Variants in SGCZ observed in about 807,000 individuals in gnomAD.
SGCZ encodes the protein zeta-sarcoglycan.
In SGCZ, 40 loss-of-function variants were observed where a neutral mutation model predicts 41.3. The observed-to-expected ratio is 0.97, with a 90% confidence interval of 0.75 to 1.26. The LOEUF (loss-of-function observed/expected upper bound fraction) is 1.26. Ranked by LOEUF, SGCZ falls within the 50% of genes most tolerant of loss-of-function variation. The pLI is 0.00. For missense variants in SGCZ, 552 were observed against 369.8 expected (o/e 1.49, Z -4.04); for synonymous variants, 206 against 137.5 (o/e 1.50, Z -3.49).
intron 5 of SGCZ, among the ~76,000 whole-genome samples, chr8:14,144,086 AG>A (rs1280484291): frequency 3.3e-5 from 5 of 152,252 alleles, no homozygotes; most frequent in South Asian, 4.2e-4. Flanking sequence ...GGCAAGTCCT[AG>A]TGTTAAACTA....
In SGCZ at chr8:14,501,692, G is replaced by A. The variant is rs543429154; in HGVS notation, c.234+53040C>T. Among the ~76,000 whole-genome samples the A allele has an allele frequency of 9.3e-4, 141 of 151,314 alleles. 2 individuals are homozygous for A. The highest frequency in any genetic ancestry group is 3.2e-3 in the African/African-American group (131 of 41,278). ...CTTGAAGAAAGGTACTCTGATATTG[G>A]ACAATAGTGATGTCTGGCCTTGCTG... is the stretch of plus-strand genomic sequence containing the variant. On this transcript the variant is annotated intron_variant, in intron 2 of 7. Coordinates refer to ENST00000382080, the MANE Select transcript of SGCZ (RefSeq NM_139167.4).
At chr8:15,075,822 G>C (rs1235869032) in intron 1 of SGCZ, among the ~76,000 whole-genome samples, 4 of 151,768 alleles carry the variant, frequency 2.6e-5, no homozygotes, top group African/African-American at 9.7e-5. Flanking sequence ...AGTCTAATTT[G>C]CTCAAAAAAT....
chr8:14,203,741 T>A (rs1185887481), intron 4 of SGCZ, among the ~76,000 whole-genome samples: 1 of 152,128 alleles, frequency 6.6e-6, no homozygotes, highest in Non-Finnish European at 1.5e-5. Flanking sequence ...GGAGAAAGAA[T>A]CAGATAATTA....
chr8:14,683,448 C>A (rs1356443987), intron 1 of SGCZ, among the ~76,000 whole-genome samples: 1 of 151,992 alleles, frequency 6.6e-6, no homozygotes, highest in Non-Finnish European at 1.5e-5. Flanking sequence ...CCTTTAATGG[C>A]AGATATTTAC....
chr8:14,343,042 G>A (rs1191662981), intron 2 of SGCZ, among the ~76,000 whole-genome samples: 1 of 152,184 alleles, frequency 6.6e-6, no homozygotes, highest in African/African-American at 2.4e-5. Flanking sequence ...TGACTTCAGA[G>A]GGTGGAAGCC....
chr8:14,438,624 G>A (rs976394743), intron 2 of SGCZ, among the ~76,000 whole-genome samples: 41 of 152,078 alleles, frequency 2.7e-4, no homozygotes, highest in African/African-American at 9.9e-4. Flanking sequence ...GGAAATTACT[G>A]TTGAATAATT....
chr8:14,708,685 A>C (rs575884141), intron 1 of SGCZ, among the ~76,000 whole-genome samples: 20 of 152,228 alleles, frequency 1.3e-4, no homozygotes, highest in African/African-American at 4.1e-4. Context: ...GTATTAACAA[A>C]CATACTACTT....
At chr8:15,143,367 T>C (rs1798949564) in intron 1 of SGCZ, among the ~76,000 whole-genome samples, 1 of 152,188 alleles carries the variant, frequency 6.6e-6, no homozygotes, top group Non-Finnish European at 1.5e-5. Flanking sequence ...TTCTTCTCAC[T>C]AGTACTCAAA....
chr8:14,399,527 A>G (rs1331260645), intron 2 of SGCZ, among the ~76,000 whole-genome samples: 3 of 152,168 alleles, frequency 2.0e-5, no homozygotes, highest in Non-Finnish European at 4.4e-5. Context: ...GTTAAAGAAA[A>G]AAAAGTCCCA....
At chr8:14,662,900 A>T (rs1216639628) in intron 1 of SGCZ, among the ~76,000 whole-genome samples, 1 of 152,064 alleles carries the variant, frequency 6.6e-6, no homozygotes, top group African/African-American at 2.4e-5. Flanking sequence ...GAGCCAAGGG[A>T]TGTGACAGTC....
At chr8:15,025,269 C>G (rs928241027) in intron 1 of SGCZ, among the ~76,000 whole-genome samples, 2 of 152,134 alleles carry the variant, frequency 1.3e-5, no homozygotes, top group African/African-American at 4.8e-5. Flanking sequence ...AAATCTCTCT[C>G]CATCTTTTGA....
At chr8:14,907,849 GTACATCCAAAATAATATT>G (rs1358833322) in intron 1 of SGCZ, among the ~76,000 whole-genome samples, 1 of 151,998 alleles carries the variant, frequency 6.6e-6, no homozygotes, top group Non-Finnish European at 1.5e-5. Context: ...AACATACCAA[GTACATCCAAAATAATATT>G]TAGGATGTAT....
chr8:14,303,675 G>A (rs1040794204), intron 3 of SGCZ, among the ~76,000 whole-genome samples: 1 of 151,996 alleles, frequency 6.6e-6, no homozygotes, highest in Non-Finnish European at 1.5e-5. Flanking sequence ...TGTCTTCTTG[G>A]TTTTTAGTGA....
intron 1 of SGCZ, among the ~76,000 whole-genome samples, chr8:15,134,952 T>C (rs1021228132): frequency 1.5e-5 from 2 of 136,148 alleles, no homozygotes; most frequent in Non-Finnish European, 3.4e-5. Flanking sequence ...CAAGCAATGT[T>C]GTTTCAAAAT....
intron 2 of SGCZ, among the ~76,000 whole-genome samples, chr8:14,520,463 A>G (rs900381819): frequency 2.0e-5 from 3 of 152,166 alleles, no homozygotes; most frequent in Non-Finnish European, 4.4e-5. Context: ...ATGCTTTAGC[A>G]TATCTCTTGG....
chr8:15,071,904 C>T (rs1026518271), intron 1 of SGCZ, among the ~76,000 whole-genome samples: 1 of 152,166 alleles, frequency 6.6e-6, no homozygotes, highest in African/African-American at 2.4e-5. Context: ...ACAGGACAAA[C>T]AGTGGGGAAC....
intron 1 of SGCZ, among the ~76,000 whole-genome samples, chr8:15,034,143 C>A (rs1444930914): frequency 6.6e-6 from 1 of 152,074 alleles, no homozygotes; most frequent in Non-Finnish European, 1.5e-5. Context: ...CCCAAACAGT[C>A]TGACAAAGAA....
At chr8:15,053,847 T>A (rs1804609496) in intron 1 of SGCZ, among the ~76,000 whole-genome samples, 1 of 152,172 alleles carries the variant, frequency 6.6e-6, no homozygotes, top group Non-Finnish European at 1.5e-5. Context: ...ACTTATGAGT[T>A]TGACATAAAC....
intron 1 of SGCZ, among the ~76,000 whole-genome samples, chr8:14,731,324 G>C (rs1043682472): frequency 6.7e-6 from 1 of 150,006 alleles, no homozygotes; most frequent in South Asian, 2.2e-4. Context: ...TCATAAGTGG[G>C]AGTTGAACAA....
Sources: allele counts gnomAD v4.1 joint callset (sites outside exome capture counted in the v4.1 genomes callset), GRCh38; gene constraint gnomAD v4.1.1; transcripts MANE v1.5; gene names NCBI Gene and HGNC (gene_info 2026-07-23, HGNC 2026-07-21).